Variants in AGO2 observed in about 807,000 individuals in gnomAD.
AGO2 encodes protein argonaute-2.
A neutral mutation model predicts 102.3 loss-of-function variants in AGO2; 5 were observed. The observed-to-expected ratio is 0.05, with a 90% confidence interval of 0.03 to 0.10. The LOEUF is 0.10. Among genes scored for constraint, AGO2 ranks in the 10% least tolerant of loss-of-function variants. The pLI, the probability that AGO2 is intolerant of heterozygous loss-of-function variation, is 1.00. For missense variants in AGO2, 541 were observed against 1,183.7 expected, an observed-to-expected ratio of 0.46 and a Z score of 7.97; for synonymous variants, 449 against 473.1, an observed-to-expected ratio of 0.95 and a Z score of 0.66.
chr8:140,539,970 A>T lies in AGO2; in HGVS notation c.2035-516T>A, dbSNP rs184343654. Among the ~76,000 whole-genome samples, 35 of 152,262 alleles carry T rather than the reference A, an allele frequency of 2.3e-4. No individual in the cohort carries two copies. The East Asian group carries it at 6.4e-3, about 28-fold the overall frequency. On this transcript the variant is annotated intron_variant, in intron 15 of 18. Coordinates refer to ENST00000220592, the MANE Select transcript of AGO2 (RefSeq NM_012154.5). This position sits in a 1 kb window ranked among gnomAD's most constrained non-coding sequence, Gnocchi z 4.7. ...GGCGTGGTGGTGGGCACCTGTCGTA[A>T]TCCCAGCTACTCCGGAGGCAGAGGC...
the AGO2 span, among the ~76,000 whole-genome samples, chr8:140,641,328 AC>A: frequency 6.6e-6 from 1 of 150,768 alleles, no homozygotes; most frequent in African/African-American, 2.5e-5. Context: ...ACACACACAC[AC>A]ACACACAAAA....
chr8:140,543,513 C>T (rs79345590), intron 14 of AGO2, among the ~76,000 whole-genome samples: 20,130 of 152,104 alleles, frequency 0.13, 1,718 homozygotes, highest in East Asian at 0.2. Flanking sequence ...TGGAGTGCAG[C>T]GGCGCAATCT....
At chr8:140,619,068 C>T (rs1430145192) in intron 1 of AGO2, among the ~76,000 whole-genome samples, 1 of 152,022 alleles carries the variant, frequency 6.6e-6, no homozygotes. Context: ...CAGCTGCTGG[C>T]TCCTTATCCT....
rs2235117 is a variant in AGO2 at position 140,527,307 on chromosome 8, T to C, written c.*4737A>G. ...GGAACAGAGTTAAGTCCACACAACT[T>C]TAACACATAATACTGAATACGAGGC... On this transcript the variant is annotated 3_prime_UTR_variant, in exon 19 of 19. Coordinates refer to ENST00000220592, the MANE Select transcript of AGO2 (RefSeq NM_012154.5). The surrounding 1 kb of genome is among the most constrained non-coding windows in gnomAD (Gnocchi z 6.0). 0.3 allele frequency: 45,138 copies of C among 152,060 alleles called. 8,218 individuals are homozygous for C. Among genetic ancestry groups the C allele is most frequent in the African/African-American group, 0.51 (21,080 of 41,416 alleles). 9.4% of individuals were successfully genotyped at this position (152,060 alleles called of 1,614,324 possible).
chr8:140,577,594 T>C (rs982352273), intron 2 of AGO2, among the ~76,000 whole-genome samples: 10 of 152,142 alleles, frequency 6.6e-5, no homozygotes, highest in African/African-American at 2.2e-4. Context: ...GCAGGTATTC[T>C]TGAGGAGGAG....
intron 12 of AGO2, among the ~76,000 whole-genome samples, chr8:140,548,338 A>C (rs1350032410): frequency 6.6e-6 from 1 of 151,748 alleles, no homozygotes; most frequent in Admixed American, 6.6e-5. Flanking sequence ...AAAAAAGGAA[A>C]AGAAAAAAAG....
At chr8:140,563,366 A>C (rs1212295957) in intron 3 of AGO2, among the ~76,000 whole-genome samples, 1 of 152,088 alleles carries the variant, frequency 6.6e-6, no homozygotes, top group Non-Finnish European at 1.5e-5. Flanking sequence ...AAGTAGCTGG[A>C]ACTACAGGCA....
At chr8:140,546,004 T>C (rs1224410895) in intron 13 of AGO2, among the ~76,000 whole-genome samples, 5 of 152,220 alleles carry the variant, frequency 3.3e-5, no homozygotes, top group Admixed American at 6.5e-5. Context: ...GCCTGTACGA[T>C]GGGCTCATGA....
At chr8:140,601,220 T>C (rs1319755964) in intron 1 of AGO2, among the ~76,000 whole-genome samples, 1 of 152,192 alleles carries the variant, frequency 6.6e-6, no homozygotes, top group Admixed American at 6.5e-5. Context: ...CCCCAGGGCC[T>C]TTGCACTTCC....
Position 140,567,263 on chromosome 8 carries a change from G to C in AGO2, c.337-4629C>G, listed in dbSNP as rs909281608. ...CGTCCACAGTGGCTGGCTGGTGCTCGTGTGTGGCAGCTTAGGGCTGCATGG... is the reference window on the plus strand; with the variant it reads ...CGTCCACAGTGGCTGGCTGGTGCTCCTGTGTGGCAGCTTAGGGCTGCATGG... On this transcript the variant is annotated intron_variant, in intron 3 of 18. Coordinates refer to ENST00000220592, the MANE Select transcript of AGO2 (RefSeq NM_012154.5). This position sits in a 1 kb window ranked among gnomAD's most constrained non-coding sequence, Gnocchi z 5.0. 6.6e-6 allele frequency among the ~76,000 whole-genome samples: 1 copy of C among 152,250 alleles called. No individual in the cohort carries two copies. Among genetic ancestry groups the C allele is most frequent in the African/African-American group, 2.4e-5 (1 of 41,456 alleles).
Position 140,524,234 on chromosome 8 carries a change from C to CT in AGO2, c.*7809dup, listed in dbSNP as rs1364749828. 2.0e-5 allele frequency: 3 copies of CT among 152,194 alleles called. No homozygotes were observed. The East Asian group carries it at 5.8e-4, about 29-fold the overall frequency. The allele number at this position is 152,194 out of a possible 1,614,324, so 9.4% of individuals were successfully genotyped here. A position where few individuals can be genotyped will look rare whatever the true frequency, so the allele number is the denominator to read the frequency against. ...TTCTACAAAGACATGATTCCAATTC[C>CT]TTTTTTAAAAAATCTACTTCCATTA... On this transcript the variant is annotated 3_prime_UTR_variant, in exon 19 of 19. Transcript: ENST00000220592.
chr8:140,576,479 G>T (rs953319294), intron 2 of AGO2, among the ~76,000 whole-genome samples: 5 of 152,134 alleles, frequency 3.3e-5, no homozygotes, highest in African/African-American at 1.2e-4. Flanking sequence ...CAAAATATTT[G>T]ACCAGACACA....
intron 1 of AGO2, among the ~76,000 whole-genome samples, chr8:140,628,418 C>T (rs1400749029): frequency 1.3e-5 from 2 of 151,072 alleles, no homozygotes; most frequent in African/African-American, 5.0e-5. Context: ...TGTTACATAC[C>T]TGTGTGCGTG....
intron 2 of AGO2, 54 bp downstream of exon 2, chr8:140,585,065 C>A (rs576996259): frequency 2.0e-6 from 3 of 1,502,248 alleles, no homozygotes; most frequent in South Asian, 2.6e-5. Context: ...GTTTAAATGC[C>A]GTGTCTGTCC....
intron 2 of AGO2, among the ~76,000 whole-genome samples, chr8:140,584,090 T>C (rs1418323372): frequency 2.2e-5 from 3 of 139,154 alleles, no homozygotes; most frequent in South Asian, 2.2e-4. Flanking sequence ...ATCTAGAATA[T>C]ACTAAAAACT....
intron 1 of AGO2, among the ~76,000 whole-genome samples, chr8:140,590,724 C>T (rs2073735851): frequency 1.3e-5 from 2 of 152,310 alleles, no homozygotes; most frequent in South Asian, 4.1e-4. Context: ...TCCTCGGAAC[C>T]AGGGGCATCG....
intron 6 of AGO2, among the ~76,000 whole-genome samples, chr8:140,558,990 C>A (rs1312198167): frequency 6.6e-6 from 1 of 152,196 alleles, no homozygotes; most frequent in Non-Finnish European, 1.5e-5. Flanking sequence ...AGACCCCCCC[C>A]AATCTGAGTT....
chr8:140,571,708 G>C (rs1049785710), intron 3 of AGO2, among the ~76,000 whole-genome samples: 1 of 152,128 alleles, frequency 6.6e-6, no homozygotes, highest in Non-Finnish European at 1.5e-5. Context: ...TTAAACTCCT[G>C]GTTTCTGATG....
intron 2 of AGO2, among the ~76,000 whole-genome samples, chr8:140,577,774 AC>A (rs1308845756): frequency 2.0e-5 from 3 of 152,156 alleles, no homozygotes; most frequent in Non-Finnish European, 4.4e-5. Flanking sequence ...TCAAGGAAAT[AC>A]AACCGAGCCC....
Sources: gnomAD v4.1 joint callset for allele counts (sites outside exome capture counted in the v4.1 genomes callset) on GRCh38, gnomAD v4.1.1 for gene constraint, Gnocchi (gnomAD v3.1) non-coding constraint, MANE v1.5 for transcripts, NCBI Gene and HGNC (gene_info 2026-07-23, HGNC 2026-07-21) for gene names.